USH2A: variants seen among roughly 807,000 people sequenced by gnomAD.
USH2A encodes the protein Usher syndrome 2A (autosomal recessive, mild).
Under a neutral mutation model 538.9 loss-of-function variants are expected in USH2A, and 443 were observed. The observed-to-expected ratio is 0.82, with a 90% confidence interval of 0.76 to 0.89. The LOEUF is 0.89. Ranked by LOEUF, USH2A falls within the 40% of genes least tolerant of loss-of-function variation. USH2A has a pLI of 0.00. For synonymous variants in USH2A, 2,413 were observed against 2,273.5 expected, an observed-to-expected ratio of 1.06 and a Z score of -1.75; for missense variants, 6,633 against 6,324.8, an observed-to-expected ratio of 1.05 and a Z score of -1.65.
chr1:216,336,308 T>C (rs966089293), intron 4 of USH2A, among the ~76,000 whole-genome samples: 2 of 151,322 alleles, frequency 1.3e-5, no homozygotes, highest in African/African-American at 2.4e-5. Context: ...TCATATTTAG[T>C]GGTGAAAAAA....
At chr1:216,341,784 G>T (rs1376827878) in intron 4 of USH2A, among the ~76,000 whole-genome samples, 1 of 152,110 alleles carries the variant, frequency 6.6e-6, no homozygotes, top group African/African-American at 2.4e-5. Context: ...GGGAAAACTG[G>T]CTAGCCTTAT....
intron 37 of USH2A, among the ~76,000 whole-genome samples, chr1:215,953,881 A>T (rs372406718): frequency 1.3e-5 from 2 of 151,588 alleles, no homozygotes; most frequent in African/African-American, 4.9e-5. Flanking sequence ...AAAACAAACA[A>T]CCCCATCAAA....
chr1:215,851,885 T>C (rs1439137301), intron 44 of USH2A, among the ~76,000 whole-genome samples: 1 of 151,890 alleles, frequency 6.6e-6, no homozygotes, highest in East Asian at 1.9e-4. Context: ...TGGTTTAACA[T>C]ATGCAAGTCA....
intron 65 of USH2A, among the ~76,000 whole-genome samples, chr1:215,649,942 G>A (rs1656998165): frequency 6.6e-6 from 1 of 152,066 alleles, no homozygotes; most frequent in Non-Finnish European, 1.5e-5. Context: ...TCTTAGCATC[G>A]CTTCCGGGAA....
In USH2A at chr1:216,315,125, T is replaced by C. The variant is rs181228999; in HGVS notation, c.1644+6758A>G. 1.3e-5 allele frequency among the ~76,000 whole-genome samples: 2 copies of C among 152,284 alleles called. 1 individual carries two copies. Among genetic ancestry groups the C allele is most frequent in the African/African-American group, 4.8e-5 (2 of 41,566 alleles). The stretch of plus-strand genomic sequence containing the variant: ...CTAGATAAGAAAAAGAAGTAATAAA[T>C]ATATTATAGCTTTGCAAATATGTTA... On this transcript the variant is annotated intron_variant, in intron 9 of 71. Coordinates refer to ENST00000307340, the MANE Select transcript of USH2A (RefSeq NM_206933.4).
At chr1:216,423,187 A>G (rs1048036204) in intron 1 of USH2A, 27 bp downstream of exon 1, 2 of 152,170 alleles carry the variant, frequency 1.3e-5, no homozygotes, top group African/African-American at 4.8e-5. Flanking sequence ...TGTGCAAGTA[A>G]TTGTATTGAT....
intron 26 of USH2A, 70 bp downstream of exon 26, chr1:216,083,386 C>T (rs2032013849): frequency 6.5e-7 from 1 of 1,533,944 alleles, no homozygotes; most frequent in Admixed American, 1.8e-5. Context: ...GTAATGCCAA[C>T]ACATGGTTTA....
intron 4 of USH2A, among the ~76,000 whole-genome samples, chr1:216,356,644 A>T (rs1225758567): frequency 2.0e-5 from 3 of 152,088 alleles, no homozygotes; most frequent in Admixed American, 1.3e-4. Flanking sequence ...ATAGAAAGAG[A>T]CATATTTCAT....
At chr1:216,377,807 AAAAGAAAG>A (rs200931887) in intron 3 of USH2A, among the ~76,000 whole-genome samples, 4,742 of 49,264 alleles carry the variant, frequency 0.096, 171 homozygotes, top group Non-Finnish European at 0.12. Context: ...GAAAGAAATA[AAAAGAAAG>A]AAAGAAAGAA....
intron 70 of USH2A, among the ~76,000 whole-genome samples, chr1:215,630,478 G>A (rs1656229292): frequency 2.8e-5 from 1 of 35,170 alleles, no homozygotes; most frequent in African/African-American, 7.8e-5. Flanking sequence ...GTGTATGTGT[G>A]TGTGTATATA....
chr1:216,342,797 T>C (rs923001639), intron 4 of USH2A, among the ~76,000 whole-genome samples: 1 of 151,854 alleles, frequency 6.6e-6, no homozygotes, highest in African/African-American at 2.4e-5. Flanking sequence ...TGAGAACACA[T>C]GGACGAAGGG....
chr1:215,760,723 C>T lies in USH2A; in HGVS notation c.11048-880G>A, dbSNP rs557812611. Among the ~76,000 whole-genome samples, 9 of 152,292 alleles carry T rather than the reference C, an allele frequency of 5.9e-5. No individual in the cohort carries two copies. In the South Asian group the frequency reaches 8.3e-4, roughly 14 times the overall value. ...ATCCCTGAGACTTTCACCTTTCATA[C>T]GCCCAAATGTAATCTAACATAAAGC... On this transcript the variant is annotated intron_variant, in intron 56 of 71. Coordinates refer to ENST00000307340, the MANE Select transcript of USH2A (RefSeq NM_206933.4).
At chr1:216,276,181 A>T (rs1202673518) in intron 11 of USH2A, among the ~76,000 whole-genome samples, 1 of 152,170 alleles carries the variant, frequency 6.6e-6, no homozygotes, top group Non-Finnish European at 1.5e-5. Context: ...CTGCTTTACC[A>T]GCTTTGGTAA....
intron 21 of USH2A, among the ~76,000 whole-genome samples, chr1:216,106,507 T>C (rs932453331): frequency 9.3e-5 from 14 of 151,280 alleles, no homozygotes; most frequent in African/African-American, 1.9e-4. Context: ...ATCATATCGA[T>C]AGATTTTTAA....
chr1:216,152,487 C>T (rs981756687), intron 21 of USH2A, among the ~76,000 whole-genome samples: 1 of 151,580 alleles, frequency 6.6e-6, no homozygotes, highest in African/African-American at 2.4e-5. Flanking sequence ...CACCTTGCGA[C>T]CCCCACTCCC....
At chr1:216,329,737 T>C (rs1219692504) in intron 4 of USH2A, among the ~76,000 whole-genome samples, 1 of 152,056 alleles carries the variant, frequency 6.6e-6, no homozygotes, top group Non-Finnish European at 1.5e-5. Context: ...TGTCTCAGCT[T>C]TGAAATACTC....
At chr1:216,339,147 T>C (rs1374876612) in intron 4 of USH2A, among the ~76,000 whole-genome samples, 2 of 151,634 alleles carry the variant, frequency 1.3e-5, no homozygotes, top group Non-Finnish European at 3.0e-5. Context: ...TCCATACTTT[T>C]TTTTATAAAG....
chr1:215,792,776 G>A (rs993862650), intron 50 of USH2A, among the ~76,000 whole-genome samples: 1 of 152,152 alleles, frequency 6.6e-6, no homozygotes, highest in Non-Finnish European at 1.5e-5. Flanking sequence ...ATCACATGTA[G>A]CACTTGACTT....
chr1:215,849,869 G>A (rs1440404233), intron 44 of USH2A, among the ~76,000 whole-genome samples: 1 of 152,146 alleles, frequency 6.6e-6, no homozygotes, highest in Non-Finnish European at 1.5e-5. Flanking sequence ...GGTTACTTAT[G>A]TGTAAAAACA....
Sources: gnomAD v4.1 joint callset for allele counts (sites outside exome capture counted in the v4.1 genomes callset) on GRCh38, gnomAD v4.1.1 for gene constraint, MANE v1.5 for transcripts, NCBI Gene and HGNC (gene_info 2026-07-23, HGNC 2026-07-21) for gene names.